BRD3: variants seen among roughly 807,000 people sequenced by gnomAD.
BRD3 encodes the protein bromodomain-containing protein 3.
A neutral mutation model predicts 66.8 loss-of-function variants in BRD3; 17 were observed. The ratio of observed to expected loss-of-function variants is 0.25; its 90% CI spans 0.17 to 0.38. BRD3 has a LOEUF of 0.38. BRD3 is among the 10% of genes least tolerant of loss of function. The probability of loss-of-function intolerance (pLI) is 1.00; values close to 1 mark genes in which losing one functional copy is unlikely to be tolerated. For missense variants in BRD3, 713 were observed against 956.1 expected (o/e 0.75, Z 3.35); for synonymous variants, 421 against 393.2 (o/e 1.07, Z -0.84).
intron 9 of BRD3, among the ~76,000 whole-genome samples, chr9:134,038,248 G>A (rs1051379452): frequency 5.3e-5 from 8 of 151,628 alleles, no homozygotes; most frequent in Non-Finnish European, 1.0e-4. Context: ...TCTACCTCCC[G>A]GGTTCAAGAG....
chr9:134,059,206 C>T (rs1361676835), intron 1 of BRD3, among the ~76,000 whole-genome samples: 2 of 152,184 alleles, frequency 1.3e-5, no homozygotes, highest in Non-Finnish European at 2.9e-5. Context: ...CAGAGCTGCC[C>T]CCGCCCGCGG....
chr9:134,068,228 G>A (rs1347345584), upstream of BRD3: 2 of 146,172 alleles, frequency 1.4e-5, no homozygotes, highest in African/African-American at 2.5e-5. Flanking sequence ...GCCTGGCCCG[G>A]GGGGCGCGCG....
chr9:134,039,765 T>G (rs1459929868), intron 9 of BRD3, among the ~76,000 whole-genome samples: 1 of 152,092 alleles, frequency 6.6e-6, no homozygotes, highest in Admixed American at 6.5e-5. Context: ...CAGAGAAACA[T>G]CCCAAAAGCT....
In BRD3 at chr9:134,054,753, C is replaced by T. The variant is rs558859277; in HGVS notation, c.-113-1163G>A. On this transcript the variant is annotated intron_variant, in intron 1 of 11. Coordinates refer to ENST00000303407, the MANE Select transcript of BRD3 (RefSeq NM_007371.4). The stretch of plus-strand genomic sequence containing the variant: ...GTGAGCTGGGTGACATCTGGTTGGT[C>T]CCCTGAAATCTGCCTCGGTGGGCAG... Among the ~76,000 whole-genome samples the T allele has an allele frequency of 2.0e-5, 3 of 152,258 alleles. No homozygotes were observed. In the South Asian group the frequency reaches 6.2e-4, roughly 32 times the overall value.
intron 1 of BRD3, among the ~76,000 whole-genome samples, chr9:134,064,599 G>A (rs754244451): frequency 3.3e-5 from 5 of 151,966 alleles, no homozygotes; most frequent in Non-Finnish European, 7.4e-5. Flanking sequence ...GGTGGCTCAC[G>A]CTTGTAATCC....
chr9:134,034,488 T>G, intron 11 of BRD3: 1 of 646,780 alleles, frequency 1.5e-6, no homozygotes, highest in Non-Finnish European at 2.6e-6. Flanking sequence ...CACACACACT[T>G]GACATGTGCA....
At chr9:134,039,218 A>G (rs775174657) in intron 9 of BRD3, among the ~76,000 whole-genome samples, 7 of 152,188 alleles carry the variant, frequency 4.6e-5, no homozygotes, top group Non-Finnish European at 7.3e-5. Context: ...GCTATTCTCC[A>G]TAGTGGCGAG....
In BRD3 at chr9:134,033,697, C is replaced by T. The variant is rs147541047; in HGVS notation, c.2074G>A (p.Gly692Ser). Residue 692 changes from glycine (G) to serine (S), a missense_variant, in exon 12 of 12, where the codon GGC becomes AGC. Transcript: ENST00000303407. The surrounding 1 kb of genome is among the most constrained non-coding windows in gnomAD (Gnocchi z 5.1). The part of the protein sequence containing the change: ...SKKPARKEKP[G>S]SAPSGGPSRL... ...GACGGGCCCCCTGAGGGTGCTGAGCCGGGCTTCTCTGTGGAGACATGGGCA... is the reference window on the plus strand; with the variant it reads ...GACGGGCCCCCTGAGGGTGCTGAGCTGGGCTTCTCTGTGGAGACATGGGCA... The T allele has an allele frequency of 4.1e-4, 302 of 744,768 alleles. No individual in the cohort carries two copies. Among genetic ancestry groups the T allele is most frequent in the Non-Finnish European group, 4.7e-4 (189 of 402,760 alleles). The allele number at this position is 744,768 out of a possible 1,614,324, so 46.1% of individuals were successfully genotyped here.
chr9:134,050,638 C>T, intron 4 of BRD3, 50 bp from the exon 5 acceptor site: 2 of 1,462,756 alleles, frequency 1.4e-6, no homozygotes, highest in Non-Finnish European at 1.9e-6. Flanking sequence ...ACTAGTATTT[C>T]CAGAAGCTTC....
intron 6 of BRD3, 82 bp downstream of exon 6, chr9:134,048,001 C>A: frequency 2.8e-6 from 4 of 1,440,754 alleles, no homozygotes; most frequent in Non-Finnish European, 3.6e-6. Flanking sequence ...CGACAGCCCC[C>A]ACTCAGCCGG....
At chr9:134,068,057 G>T (rs1366744343), upstream of BRD3, 1 of 144,598 alleles carries the variant, frequency 6.9e-6, no homozygotes, top group Non-Finnish European at 1.5e-5. Flanking sequence ...GGGCTCATGC[G>T]CTGCGCCGCG....
In BRD3 at chr9:134,051,566, G is replaced by A. The variant is rs758138801; in HGVS notation, c.495C>T (p.Ser165=). 1.2e-5 allele frequency: 19 copies of A among 1,549,174 alleles called. No individual in the cohort carries two copies. In the Admixed American group the frequency reaches 1.8e-4, roughly 15 times the overall value. ...GCCTGCCCCAGCTCCCTTTACCTGCGCTCTGGGCTCCCGCAGCCGGCTTCC... is the reference window on the plus strand; with the variant it reads ...GCCTGCCCCAGCTCCCTTTACCTGCACTCTGGGCTCCCGCAGCCGGCTTCC... The part of the protein sequence containing the change: ...KGRKPAAGAQ[S]AGTQQVAAVS... The change falls in exon 4 of 12, where the codon AGC becomes AGT. Residue 165 remains serine (S), a synonymous_variant. Transcript: ENST00000303407.
At chr9:134,064,106 C>A (rs559724626) in intron 1 of BRD3, among the ~76,000 whole-genome samples, 1 of 152,228 alleles carries the variant, frequency 6.6e-6, no homozygotes, top group Non-Finnish European at 1.5e-5. Context: ...AGCACGGACA[C>A]AACAGGGTCC....
rs568251403 is a variant in BRD3 at position 134,051,940 on chromosome 9, G to A, written c.352-231C>T. Among the ~76,000 whole-genome samples, 7 of 146,578 alleles carry A rather than the reference G, an allele frequency of 4.8e-5. No individual in the cohort carries two copies. The South Asian group carries it at 1.1e-3, about 23-fold the overall frequency. ...GAGTCTTGCTCTGTCACCCAGGCTG[G>A]AGTGCAGTGGCATGATCTCGGCTCA... is the stretch of plus-strand genomic sequence containing the variant. On this transcript the variant is annotated intron_variant, in intron 3 of 11. Transcript: ENST00000303407.
In BRD3 at chr9:134,041,749, C is replaced by G. The variant is rs762201560; in HGVS notation, c.1407+11G>C. On this transcript the variant is annotated intron_variant, in intron 8 of 11. Transcript: ENST00000303407. ...AGCCCCTGAACCCCACCCAAGCATG[C>G]CAGTGCCCACCTGCTCCTGCAGCTC... 4 of 1,607,364 alleles carry G rather than the reference C, an allele frequency of 2.5e-6. No homozygotes were observed. Among genetic ancestry groups the G allele is most frequent in the Non-Finnish European group, 3.4e-6 (4 of 1,179,238 alleles).
At chr9:134,066,847 A>G (rs888016925) in intron 1 of BRD3, among the ~76,000 whole-genome samples, 2 of 152,190 alleles carry the variant, frequency 1.3e-5, no homozygotes, top group Non-Finnish European at 2.9e-5. Context: ...AACCAAAATT[A>G]AAGATCGCAA....
chr9:134,049,702 A>T (rs1436974752), intron 5 of BRD3, among the ~76,000 whole-genome samples: 6 of 152,240 alleles, frequency 3.9e-5, no homozygotes, highest in African/African-American at 1.4e-4. Context: ...AACCCCTCTG[A>T]GCGCCCGCTT....
intron 7 of BRD3, among the ~76,000 whole-genome samples, chr9:134,042,698 C>CACATATAT (rs1454196043): frequency 1.5e-4 from 13 of 87,616 alleles, no homozygotes; most frequent in African/African-American, 3.5e-4. Context: ...CACATATACA[C>CACATATAT]ACACATATAT....
intron 10 of BRD3, 130 bp downstream of exon 10, chr9:134,035,902 C>G: frequency 1.5e-6 from 2 of 1,290,768 alleles, no homozygotes; most frequent in Non-Finnish European, 2.1e-6. Flanking sequence ...TGTGGTGGGA[C>G]GAAGGAGCCA....
Sources: gnomAD v4.1 joint callset for allele counts (sites outside exome capture counted in the v4.1 genomes callset) on GRCh38, gnomAD v4.1.1 for gene constraint, Gnocchi (gnomAD v3.1) non-coding constraint, MANE v1.5 for transcripts, NCBI Gene and HGNC (gene_info 2026-07-23, HGNC 2026-07-21) for gene names.